Variants in PTPN3 observed in about 807,000 individuals in gnomAD.
The protein encoded by PTPN3 is protein tyrosine phosphatase non-receptor type 3, also known as tyrosine-protein phosphatase non-receptor type 3.
PTPN3 carries 96 observed loss-of-function variants against 132.7 expected under a neutral mutation model. The observed-to-expected ratio is 0.72, with a 90% CI of 0.61 to 0.86. The LOEUF is 0.86. Ranked by LOEUF, PTPN3 falls within the 40% of genes least tolerant of loss-of-function variation. The probability of loss-of-function intolerance (pLI) is 0.00; values close to 1 mark genes in which losing one functional copy is unlikely to be tolerated. For synonymous variants in PTPN3, 398 were observed against 429.0 expected, an observed-to-expected ratio of 0.93 and a Z score of 0.89; for missense variants, 1,125 against 1,159.6, an observed-to-expected ratio of 0.97 and a Z score of 0.43.
At chr9:109,415,759 G>A (rs1398467828) in intron 14 of PTPN3, among the ~76,000 whole-genome samples, 1 of 152,110 alleles carries the variant, frequency 6.6e-6, no homozygotes, top group Admixed American at 6.5e-5. Flanking sequence ...AAAAGGAGGA[G>A]TGAGGGACGA....
At chr9:109,521,105 T>C in the PTPN3 span, among the ~76,000 whole-genome samples, 1 of 152,078 alleles carries the variant, frequency 6.6e-6, no homozygotes, top group Admixed American at 6.6e-5. Context: ...AAAAAAGAGA[T>C]GGCAATCTGG....
At position 109,377,378 on chromosome 9, in the gene PTPN3, C is replaced by T. The variant is rs1003591958; in HGVS notation, c.*2178G>A. 6.7e-6 allele frequency: 1 copy of T among 148,494 alleles called. No individual in the cohort carries two copies. The highest frequency in any genetic ancestry group is 2.5e-5 in the African/African-American group (1 of 39,498). The allele number at this position is 148,494 out of a possible 1,614,324, so 9.2% of individuals were successfully genotyped here. A position where few individuals can be genotyped will look rare whatever the true frequency, so the allele number is the denominator to read the frequency against. On this transcript the variant is annotated 3_prime_UTR_variant, in exon 26 of 26. Transcript: ENST00000374541. The stretch of plus-strand genomic sequence containing the variant: ...GAGTTTGAGACCAGCCTAGGCAACA[C>T]ATCAAGATCCTGTCTCTACACACAC...
chr9:109,526,612 C>T, the PTPN3 span, among the ~76,000 whole-genome samples: 1 of 152,094 alleles, frequency 6.6e-6, no homozygotes, highest in Non-Finnish European at 1.5e-5. Context: ...TAGGTTGAGG[C>T]TGCAGTGGGC....
At chr9:109,463,230 A>C in intron 2 of PTPN3, 67 bp downstream of exon 2, 4 of 1,386,874 alleles carry the variant, frequency 2.9e-6, no homozygotes, top group Non-Finnish European at 3.9e-6. Context: ...TTGTGAGCCA[A>C]GAGATGAAAA....
chr9:109,410,523 A>G, intron 14 of PTPN3, 108 bp from the exon 15 acceptor site: 5 of 1,235,410 alleles, frequency 4.0e-6, no homozygotes, highest in Non-Finnish European at 5.7e-6. Context: ...GTTTCCCTGG[A>G]ACCTCAGCTG....
chr9:109,468,362 T>G (rs962669717), intron 1 of PTPN3, among the ~76,000 whole-genome samples: 4 of 151,786 alleles, frequency 2.6e-5, no homozygotes, highest in Non-Finnish European at 5.9e-5. Context: ...AGTTTTTTTT[T>G]TTGTTTGTTT....
At chr9:109,417,286 C>T (rs749059160) in intron 14 of PTPN3, among the ~76,000 whole-genome samples, 1 of 152,202 alleles carries the variant, frequency 6.6e-6, no homozygotes, top group Admixed American at 6.5e-5. Context: ...CTGAGCTGCG[C>T]CACTCTGGGT....
chr9:109,485,783 C>T (rs940952668), intron 1 of PTPN3, among the ~76,000 whole-genome samples: 3 of 152,172 alleles, frequency 2.0e-5, no homozygotes, highest in Non-Finnish European at 2.9e-5. Context: ...CGAGAGGGAA[C>T]CCCTTTGCAG....
At chr9:109,426,173 T>C (rs1005641214) in intron 12 of PTPN3, among the ~76,000 whole-genome samples, 1 of 150,600 alleles carries the variant, frequency 6.6e-6, no homozygotes, top group Non-Finnish European at 1.5e-5. Flanking sequence ...TTATCTTAAT[T>C]AGAATTTTAA....
intron 12 of PTPN3, 38 bp from the exon 13 acceptor site, chr9:109,422,890 G>T: frequency 1.9e-6 from 3 of 1,598,482 alleles, no homozygotes; most frequent in Non-Finnish European, 2.6e-6. Flanking sequence ...CTACACTGAC[G>T]TTCAACAGGA....
the PTPN3 span, among the ~76,000 whole-genome samples, chr9:109,513,567 C>CCTTA: frequency 6.6e-6 from 1 of 152,162 alleles, no homozygotes; most frequent in African/African-American, 2.4e-5. Context: ...GGTCTCTAAT[C>CCTTA]CTTAGTGTGC....
chr9:109,534,470 C>T, the PTPN3 span: 1 of 1,132,718 alleles, frequency 8.8e-7, no homozygotes, highest in Non-Finnish European at 1.2e-6. Context: ...ACCGATCGAA[C>T]TCTTGGCTCT....
chr9:109,381,547 C>A (rs1270278023), intron 25 of PTPN3, 105 bp downstream of exon 25: 1 of 1,473,004 alleles, frequency 6.8e-7, no homozygotes, highest in Non-Finnish European at 9.4e-7. Flanking sequence ...GTGATTCAGT[C>A]CCCCTGAGCT....
chr9:109,430,491 T>C (rs569572708), intron 10 of PTPN3, among the ~76,000 whole-genome samples: 10 of 152,126 alleles, frequency 6.6e-5, no homozygotes, highest in Non-Finnish European at 1.2e-4. Flanking sequence ...TCTTGTCGTT[T>C]CCAGGCTTGG....
At chr9:109,394,694 GA>G (rs1840419124) in intron 19 of PTPN3, among the ~76,000 whole-genome samples, 1 of 152,116 alleles carries the variant, frequency 6.6e-6, no homozygotes, top group African/African-American at 2.4e-5. Context: ...TTTATACAAT[GA>G]TGATCATATA....
rs113184336 is a variant in PTPN3, at chr9:109,452,808, G to A, written c.368+1688C>T. Among the ~76,000 whole-genome samples, 907 of 152,246 alleles carry A rather than the reference G, an allele frequency of 6.0e-3. 14 individuals carry two copies. Among genetic ancestry groups the A allele is most frequent in the African/African-American group, 0.021 (855 of 41,538 alleles). The stretch of plus-strand genomic sequence containing the variant: ...ACTCCTGGCCTCAAGTGACCCTCCC[G>A]CCTTGGGTTCCTGAAGTGCTGGGAA... On this transcript the variant is annotated intron_variant, in intron 5 of 25. Coordinates refer to ENST00000374541, the MANE Select transcript of PTPN3 (RefSeq NM_002829.4).
chr9:109,443,882 TC>T (rs1205437612), intron 7 of PTPN3, among the ~76,000 whole-genome samples: 1 of 152,158 alleles, frequency 6.6e-6, no homozygotes, highest in African/African-American at 2.4e-5. Context: ...AATAGGGTCA[TC>T]TTTGATGTCC....
chr9:109,451,003 T>C (rs1286758429), intron 5 of PTPN3: 23 of 979,192 alleles, frequency 2.3e-5, no homozygotes, highest in South Asian at 4.7e-5. Flanking sequence ...TCCAGGAATA[T>C]AGGTAAAATC....
chr9:109,486,199 G>C (rs1364604516), intron 1 of PTPN3, among the ~76,000 whole-genome samples: 2 of 152,184 alleles, frequency 1.3e-5, no homozygotes, highest in Non-Finnish European at 2.9e-5. Flanking sequence ...TGCTGAGTAT[G>C]TATTTGCATT....
Sources: gnomAD v4.1 joint callset for allele counts (sites outside exome capture counted in the v4.1 genomes callset) on GRCh38, gnomAD v4.1.1 for gene constraint, MANE v1.5 for transcripts, NCBI Gene and HGNC (gene_info 2026-07-23, HGNC 2026-07-21) for gene names.